CDYL2: variants seen among roughly 807,000 people sequenced by gnomAD.
CDYL2 encodes chromodomain Y-like protein 2.
In CDYL2, 23 loss-of-function variants were observed where a neutral mutation model predicts 49.4. The ratio of observed to expected loss-of-function variants is 0.47; its 90% confidence interval spans 0.34 to 0.66. CDYL2 has a LOEUF of 0.66. Ranked by LOEUF, CDYL2 falls within the 30% of genes least tolerant of loss-of-function variation. The pLI is 0.01. For missense variants in CDYL2, 678 were observed against 656.4 expected (o/e 1.03, Z -0.36); for synonymous variants, 360 against 268.8 (o/e 1.34, Z -3.32).
chr16:80,783,024 G>A (rs537509904), intron 1 of CDYL2, among the ~76,000 whole-genome samples: 16 of 152,166 alleles, frequency 1.1e-4, no homozygotes, highest in African/African-American at 3.6e-4. Flanking sequence ...CTAAGGCAAT[G>A]AAAGAAAACA....
intron 1 of CDYL2, among the ~76,000 whole-genome samples, chr16:80,723,056 T>A (rs962676075): frequency 5.9e-5 from 9 of 152,180 alleles, no homozygotes; most frequent in African/African-American, 2.2e-4. Flanking sequence ...ACTGCCACAC[T>A]CGGCAGGGCG....
At chr16:80,772,983 CTG>C (rs2142396696) in intron 1 of CDYL2, among the ~76,000 whole-genome samples, 2 of 152,182 alleles carry the variant, frequency 1.3e-5, no homozygotes, top group East Asian at 3.9e-4. Flanking sequence ...TTAAATATAA[CTG>C]GTCTAAATAT....
At chr16:80,670,151 A>G (rs371830996) in intron 2 of CDYL2, among the ~76,000 whole-genome samples, 1 of 152,350 alleles carries the variant, frequency 6.6e-6, no homozygotes, top group East Asian at 1.9e-4. Context: ...ACAAAAGCAC[A>G]TGACAAACCC....
At chr16:80,712,972 C>T (rs1305738098) in intron 1 of CDYL2, among the ~76,000 whole-genome samples, 1 of 152,168 alleles carries the variant, frequency 6.6e-6, no homozygotes, top group Non-Finnish European at 1.5e-5. Context: ...AGGAGAGGCA[C>T]ACAGATGTCC....
At chr16:80,606,881 T>A (rs145439388) in intron 6 of CDYL2, among the ~76,000 whole-genome samples, 1 of 152,188 alleles carries the variant, frequency 6.6e-6, no homozygotes, top group East Asian at 1.9e-4. Context: ...ATGTAAGACA[T>A]GCCTTTGGCC....
intron 1 of CDYL2, among the ~76,000 whole-genome samples, chr16:80,747,142 T>C (rs1025097796): frequency 1.3e-5 from 2 of 152,034 alleles, no homozygotes; most frequent in Non-Finnish European, 2.9e-5. Flanking sequence ...CAAAACAAAA[T>C]AAAACAAAAG....
In CDYL2 at chr16:80,604,211, T is replaced by G. The variant is rs1906226563; in HGVS notation, c.*177A>C. The stretch of plus-strand genomic sequence containing the variant: ...GGGGGAGGCCAAGTATGCTGCGTTT[T>G]CCATCCATTACACAAAATCAAACCA... On this transcript the variant is annotated 3_prime_UTR_variant, in exon 7 of 7. Coordinates refer to ENST00000570137, the MANE Select transcript of CDYL2 (RefSeq NM_152342.4). 2.9e-6 allele frequency: 2 copies of G among 685,192 alleles called. No individual in the cohort carries two copies. Among genetic ancestry groups the G allele is most frequent in the East Asian group, 5.4e-5 (2 of 37,294 alleles). 42.4% of individuals were successfully genotyped at this position (685,192 alleles called of 1,614,324 possible).
At chr16:80,641,312 T>C (rs1200659559) in intron 2 of CDYL2, among the ~76,000 whole-genome samples, 2 of 152,090 alleles carry the variant, frequency 1.3e-5, no homozygotes, top group African/African-American at 4.8e-5. Context: ...ATGACATATT[T>C]AAAGTGCTAA....
rs951082012 is a variant in CDYL2, at chr16:80,612,172, G to A, written c.1218+454C>T. On this transcript the variant is annotated intron_variant, in intron 5 of 6. Coordinates refer to ENST00000570137, the MANE Select transcript of CDYL2 (RefSeq NM_152342.4). The surrounding 1 kb of genome is among the most constrained non-coding windows in gnomAD (Gnocchi z 5.0). ...CGGCCTGGCCCATGAAGCCCTCCAG[G>A]GTGATGCTTCTGGCTCTCTCTTCTC... Among the ~76,000 whole-genome samples the A allele has an allele frequency of 2.6e-5, 4 of 152,194 alleles. No individual in the cohort carries two copies. Among genetic ancestry groups the A allele is most frequent in the African/African-American group, 9.7e-5 (4 of 41,448 alleles).
chr16:80,725,488 C>G (rs1434601749), intron 1 of CDYL2, among the ~76,000 whole-genome samples: 6 of 152,218 alleles, frequency 3.9e-5, no homozygotes, highest in Non-Finnish European at 7.3e-5. Flanking sequence ...CAGCATAGCT[C>G]CTGGCCCACA....
At position 80,600,562 on chromosome 16, in the gene CDYL2, T is replaced by A. The variant is rs541989148; in HGVS notation, c.*3826A>T. 3.3e-5 allele frequency: 5 copies of A among 152,128 alleles called. No homozygotes were observed. The highest frequency in any genetic ancestry group is 3.3e-4 in the Admixed American group (5 of 15,260). 9.4% of individuals were successfully genotyped at this position (152,128 alleles called of 1,614,324 possible). On this transcript the variant is annotated 3_prime_UTR_variant, in exon 7 of 7. Transcript: ENST00000570137. The stretch of plus-strand genomic sequence containing the variant: ...AGAATAAAATAAAATACTTAAGAAA[T>A]CTCATTTAGAGTCTTAAATACTGTG...
intron 1 of CDYL2, among the ~76,000 whole-genome samples, chr16:80,697,343 C>T (rs528643094): frequency 6.6e-6 from 1 of 152,230 alleles, no homozygotes; most frequent in South Asian, 2.1e-4. Context: ...CCAATGGATA[C>T]AGAGAAAGCA....
chr16:80,747,210 C>T (rs1905961788), intron 1 of CDYL2, among the ~76,000 whole-genome samples: 1 of 152,098 alleles, frequency 6.6e-6, no homozygotes. Context: ...AAAGGCCCAC[C>T]ACCTGTCGAT....
intron 1 of CDYL2, among the ~76,000 whole-genome samples, chr16:80,729,493 G>T (rs538312010): frequency 2.0e-4 from 30 of 152,144 alleles, no homozygotes; most frequent in African/African-American, 3.9e-4. Context: ...CTCCCACACA[G>T]TAATAATGGG....
chr16:80,641,605 C>T (rs1194880793), intron 2 of CDYL2, among the ~76,000 whole-genome samples: 1 of 151,932 alleles, frequency 6.6e-6, no homozygotes, highest in Non-Finnish European at 1.5e-5. Context: ...TAGGGACATG[C>T]ATGAAACTGG....
intron 3 of CDYL2, among the ~76,000 whole-genome samples, chr16:80,624,886 G>A (rs1907234915): frequency 6.6e-6 from 1 of 152,184 alleles, no homozygotes; most frequent in Admixed American, 6.5e-5. Context: ...TGAAGTAATT[G>A]ACCAAAACGT....
Position 80,754,347 on chromosome 16 carries a change from G to C in CDYL2, c.24+49803C>G, listed in dbSNP as rs553660486. Among the ~76,000 whole-genome samples the C allele has an allele frequency of 1.1e-4, 17 of 152,224 alleles. 1 individual carries two copies. The South Asian group carries it at 3.5e-3, about 32-fold the overall frequency. On this transcript the variant is annotated intron_variant, in intron 1 of 6. Transcript: ENST00000570137. ...ATATATGGCTTTCTGGGGGCTGGGT[G>C]GACAAGAATCTAGGATTTGGAACAA... is the stretch of plus-strand genomic sequence containing the variant.
intron 1 of CDYL2, among the ~76,000 whole-genome samples, chr16:80,781,295 AT>A (rs1907259240): frequency 1.3e-5 from 2 of 152,178 alleles, no homozygotes; most frequent in African/African-American, 4.8e-5. Flanking sequence ...TAACAAAATG[AT>A]TTTTTTAAAT....
rs1236376063 is a variant in CDYL2, at chr16:80,604,225, A to G, written c.*163T>C. 1.0e-5 allele frequency: 8 copies of G among 766,848 alleles called. No individual in the cohort carries two copies. Among genetic ancestry groups the G allele is most frequent in the South Asian group, 1.8e-5 (1 of 55,826 alleles). The allele number at this position is 766,848 out of a possible 1,614,324, so 47.5% of individuals were successfully genotyped here. A position where few individuals can be genotyped will look rare whatever the true frequency, so the allele number is the denominator to read the frequency against. ...ATGCTGCGTTTTCCATCCATTACACAAAATCAAACCAAGGAGGAGCAACCA... is the reference window on the plus strand; with the variant it reads ...ATGCTGCGTTTTCCATCCATTACACGAAATCAAACCAAGGAGGAGCAACCA... On this transcript the variant is annotated 3_prime_UTR_variant, in exon 7 of 7. Transcript: ENST00000570137.
Sources: gnomAD v4.1 joint callset for allele counts (sites outside exome capture counted in the v4.1 genomes callset) on GRCh38, gnomAD v4.1.1 for gene constraint, Gnocchi (gnomAD v3.1) non-coding constraint, MANE v1.5 for transcripts, NCBI Gene and HGNC (gene_info 2026-07-23, HGNC 2026-07-21) for gene names.